Variants in KCNJ3 observed in about 807,000 individuals in gnomAD.
KCNJ3 encodes the protein G protein-activated inward rectifier potassium channel 1.
Under a neutral mutation model 39.2 loss-of-function variants are expected in KCNJ3, and 4 were observed. The ratio of observed to expected loss-of-function variants is 0.10; its 90% CI spans 0.05 to 0.23. The LOEUF (loss-of-function observed/expected upper bound fraction) is 0.23. Among genes scored for constraint, KCNJ3 ranks in the 10% least tolerant of loss-of-function variants. The probability of loss-of-function intolerance (pLI) is 1.00; values close to 1 mark genes in which losing one functional copy is unlikely to be tolerated. For synonymous variants in KCNJ3, 230 were observed against 237.4 expected, an observed-to-expected ratio of 0.97 and a Z score of 0.29; for missense variants, 276 against 634.9, an observed-to-expected ratio of 0.43 and a Z score of 6.08.
In KCNJ3 at chr2:154,856,475, GTC is replaced by G. The variant is rs1363085710; in HGVS notation, c.*1166_*1167del. ...GCTTAAAATATGTATGTCTAATTGAGTCTCTTTTTTATTCTGTTTTCTTGTTT... is the reference window on the plus strand; with the variant it reads ...GCTTAAAATATGTATGTCTAATTGAGTCTTTTTTATTCTGTTTTCTTGTTT... On this transcript the variant is annotated 3_prime_UTR_variant, in exon 3 of 3. Transcript: ENST00000295101. 1 of 152,310 alleles carries G rather than the reference GTC, an allele frequency of 6.6e-6. No individual in the cohort carries two copies. The highest frequency in any genetic ancestry group is 1.9e-4 in the East Asian group (1 of 5,200). 9.4% of individuals were successfully genotyped at this position (152,310 alleles called of 1,614,324 possible).
intron 2 of KCNJ3, among the ~76,000 whole-genome samples, chr2:154,775,629 C>G (rs1440426853): frequency 1.3e-5 from 2 of 152,126 alleles, no homozygotes; most frequent in African/African-American, 2.4e-5. Context: ...CTTAAATATA[C>G]TAATTGAATT....
rs1231162129 is a variant in KCNJ3, at chr2:154,699,670, C to G, written c.702+193C>G. The G allele has an allele frequency of 6.5e-6, 2 of 308,102 alleles. No homozygotes were observed. The highest frequency in any genetic ancestry group is 4.5e-5 in the African/African-American group (2 of 44,324). 19.1% of individuals were successfully genotyped at this position (308,102 alleles called of 1,614,324 possible). Reference sequence around the variant, plus strand: ...GACAGTTCTGTTCCTTTTCCACTCACTCTCGTGCTCTTGTTTATATTCGTC... The same window carrying G: ...GACAGTTCTGTTCCTTTTCCACTCAGTCTCGTGCTCTTGTTTATATTCGTC... On this transcript the variant is annotated intron_variant, in intron 1 of 2. Transcript: ENST00000295101. This position sits in a 1 kb window ranked among gnomAD's most constrained non-coding sequence, Gnocchi z 6.4.
At position 154,699,581 on chromosome 2, in the gene KCNJ3, A is replaced by G. The variant is rs1707267098; in HGVS notation, c.702+104A>G. 3 of 1,454,844 alleles carry G rather than the reference A, an allele frequency of 2.1e-6. No homozygotes were observed. The highest frequency in any genetic ancestry group is 4.9e-5 in the Admixed American group (2 of 40,832). 90.1% of individuals were successfully genotyped at this position (1,454,844 alleles called of 1,614,324 possible). ...CGGGCCCCCTCCCCTGGTTCTACCT[A>G]TAGCCACAGGTAAACTTCCTTTTGG... On this transcript the variant is annotated intron_variant, in intron 1 of 2. Transcript: ENST00000295101. This position sits in a 1 kb window ranked among gnomAD's most constrained non-coding sequence, Gnocchi z 6.4.
chr2:154,811,499 G>A (rs1416487775), intron 2 of KCNJ3, among the ~76,000 whole-genome samples: 1 of 152,028 alleles, frequency 6.6e-6, no homozygotes, highest in South Asian at 2.1e-4. Context: ...TCACCATGTT[G>A]GCCAGGCTGG....
At chr2:154,819,406 T>C (rs1330710656) in intron 2 of KCNJ3, among the ~76,000 whole-genome samples, 2 of 152,142 alleles carry the variant, frequency 1.3e-5, no homozygotes, top group African/African-American at 4.8e-5. Flanking sequence ...TTAATTTTCT[T>C]TTTTCTGTTG....
chr2:154,833,842 C>T (rs758437432), intron 2 of KCNJ3, among the ~76,000 whole-genome samples: 3 of 151,820 alleles, frequency 2.0e-5, no homozygotes, highest in Non-Finnish European at 2.9e-5. Context: ...ATTTAAGGTT[C>T]CTTCATGTTT....
intron 2 of KCNJ3, among the ~76,000 whole-genome samples, chr2:154,711,685 G>A (rs1219047965): frequency 6.6e-6 from 1 of 152,080 alleles, no homozygotes; most frequent in Non-Finnish European, 1.5e-5. Context: ...GGAAATGTCT[G>A]CAGTATCCTT....
chr2:154,786,071 T>C (rs1021684314), intron 2 of KCNJ3, among the ~76,000 whole-genome samples: 8 of 152,228 alleles, frequency 5.3e-5, no homozygotes, highest in Non-Finnish European at 1.5e-5. Context: ...TTAGGACTGC[T>C]GTGGTAATAT....
rs374808836 is a variant in KCNJ3, at chr2:154,722,061, C to G, written c.919+12242C>G. ...ATCAGATAGATAGTTGCCTAGCTAA[C>G]TAGAGAGGGAGGCAAGTCAATAGAT... On this transcript the variant is annotated intron_variant, in intron 2 of 2. Coordinates refer to ENST00000295101, the MANE Select transcript of KCNJ3 (RefSeq NM_002239.4). Among the ~76,000 whole-genome samples the G allele has an allele frequency of 2.6e-5, 4 of 152,148 alleles. No homozygotes were observed. The East Asian group carries it at 7.7e-4, about 29-fold the overall frequency.
chr2:154,843,991 G>A (rs934130825), intron 2 of KCNJ3, among the ~76,000 whole-genome samples: 1 of 152,190 alleles, frequency 6.6e-6, no homozygotes, highest in African/African-American at 2.4e-5. Context: ...CATTGCTGGC[G>A]AGGAGCTGCG....
chr2:154,734,118 TA>T (rs2105169387), intron 2 of KCNJ3, among the ~76,000 whole-genome samples: 1 of 152,328 alleles, frequency 6.6e-6, no homozygotes, highest in South Asian at 2.1e-4. Context: ...AATTTCAAAA[TA>T]AATCTACTTC....
At chr2:154,710,817 C>A (rs977185402) in intron 2 of KCNJ3, among the ~76,000 whole-genome samples, 8 of 152,056 alleles carry the variant, frequency 5.3e-5, no homozygotes, top group Admixed American at 1.3e-4. Context: ...AAGCTTTATA[C>A]CAAGGTGGAA....
At chr2:154,736,374 T>TAAAAAAAAAAA (rs70983745) in intron 2 of KCNJ3, among the ~76,000 whole-genome samples, 9 of 93,232 alleles carry the variant, frequency 9.7e-5, no homozygotes, top group African/African-American at 1.6e-4. Context: ...TCACTAGTTC[T>TAAAAAAAAAAA]AAAAAAAAAA....
At chr2:154,716,276 A>ATTTTTTTTTTTTTTT (rs535989708) in intron 2 of KCNJ3, among the ~76,000 whole-genome samples, 30 of 115,482 alleles carry the variant, frequency 2.6e-4, no homozygotes, top group African/African-American at 4.3e-4. Flanking sequence ...CGGCCGGCTA[A>ATTTTTTTTTTTTTTT]TTTTTTTTTT....
intron 2 of KCNJ3, among the ~76,000 whole-genome samples, chr2:154,727,923 A>C (rs1350703096): frequency 1.3e-5 from 2 of 150,226 alleles, no homozygotes; most frequent in Non-Finnish European, 3.0e-5. Flanking sequence ...ATAAGATATA[A>C]TTTATAATAT....
chr2:154,818,136 A>T (rs935276213), intron 2 of KCNJ3, among the ~76,000 whole-genome samples: 2 of 152,146 alleles, frequency 1.3e-5, no homozygotes, highest in African/African-American at 4.8e-5. Flanking sequence ...TAACTTATAT[A>T]TGATATATGG....
chr2:154,749,631 C>T (rs1179817662), intron 2 of KCNJ3, among the ~76,000 whole-genome samples: 1 of 152,108 alleles, frequency 6.6e-6, no homozygotes, highest in Non-Finnish European at 1.5e-5. Context: ...GGTTCGATCA[C>T]ATAGTTTTAT....
At chr2:154,834,423 T>C (rs1376777701) in intron 2 of KCNJ3, among the ~76,000 whole-genome samples, 1 of 152,136 alleles carries the variant, frequency 6.6e-6, no homozygotes, top group Non-Finnish European at 1.5e-5. Flanking sequence ...TTAATTATAT[T>C]ACAAGGATTT....
At chr2:154,806,882 G>T (rs1686920699) in intron 2 of KCNJ3, among the ~76,000 whole-genome samples, 1 of 151,992 alleles carries the variant, frequency 6.6e-6, no homozygotes, top group Non-Finnish European at 1.5e-5. Context: ...CTTGTCCAAG[G>T]GAACTAATCC....
Sources: gnomAD v4.1 joint callset for allele counts (sites outside exome capture counted in the v4.1 genomes callset) on GRCh38, gnomAD v4.1.1 for gene constraint, Gnocchi (gnomAD v3.1) non-coding constraint, MANE v1.5 for transcripts, NCBI Gene and HGNC (gene_info 2026-07-23, HGNC 2026-07-21) for gene names.